The following CHRM5 variants were observed in gnomAD, a reference collection of about 807,000 sequenced individuals.
CHRM5 encodes muscarinic acetylcholine receptor M5.
A neutral mutation model predicts 39.0 loss-of-function variants in CHRM5; 18 were observed. The observed-to-expected ratio is 0.46, with a 90% CI of 0.32 to 0.68. CHRM5 has a LOEUF of 0.68. Ranked by LOEUF, CHRM5 falls within the 30% of genes least tolerant of loss-of-function variation. The probability of loss-of-function intolerance (pLI) is 0.04; values close to 1 mark genes in which losing one functional copy is unlikely to be tolerated. For missense variants in CHRM5, 515 were observed against 651.1 expected (o/e 0.79, Z 2.28); for synonymous variants, 241 against 246.3 (o/e 0.98, Z 0.20).
At chr15:34,042,378 AATAC>A (rs893753024) in intron 1 of CHRM5, among the ~76,000 whole-genome samples, 5 of 151,922 alleles carry the variant, frequency 3.3e-5, no homozygotes, top group African/African-American at 9.7e-5. Context: ...GCATATTTTT[AATAC>A]ATACATGACC....
intron 1 of CHRM5, among the ~76,000 whole-genome samples, chr15:33,992,261 G>T (rs755171840): frequency 6.6e-6 from 1 of 152,136 alleles, no homozygotes. Context: ...GTGGTGGCGG[G>T]CACCTGTAGT....
chr15:34,044,570 GGC>G (rs1899613885), intron 1 of CHRM5, among the ~76,000 whole-genome samples: 1 of 6,670 alleles, frequency 1.5e-4, no homozygotes, highest in African/African-American at 1.6e-4. Context: ...TTCATGTCTT[GGC>G]ACACATAGAA....
At position 34,017,497 on chromosome 15, in the gene CHRM5, T is replaced by G. The variant is rs2684955; in HGVS notation, c.-407-29043T>G. 8.7e-4 allele frequency among the ~76,000 whole-genome samples: 116 copies of G among 133,338 alleles called. 1 individual carries two copies. Among genetic ancestry groups the G allele is most frequent in the Non-Finnish European group, 9.8e-4 (59 of 60,328 alleles). The allele number at this position is 133,338 out of a possible 152,430, so 87.5% of individuals were successfully genotyped here. On this transcript the variant is annotated intron_variant, in intron 1 of 2. Coordinates refer to ENST00000383263, the MANE Select transcript of CHRM5 (RefSeq NM_012125.4). ...GATTTTTTTTTTGTTTTTTTTTTTT[T>G]TTTGAGACAGGGTCTTGCTATGTCA...
At position 34,064,313 on chromosome 15, in the gene CHRM5, C is replaced by T; in HGVS notation, c.1596C>T (p.Pro532=). 6.2e-7 allele frequency: 1 copy of T among 1,609,752 alleles called. No homozygotes were observed. Among genetic ancestry groups the T allele is most frequent in the South Asian group, 1.1e-5 (1 of 90,334 alleles). ...ACTGGCAGGGGAACAGCAAGCTACC[C>T]TGAAAAGTCAACAACTCCTCTCGAA... ...KLYWQGNSKL[P] The change falls in exon 3 of 3, where the codon CCC becomes CCT. Residue 532 remains proline (P), a synonymous_variant. Coordinates refer to ENST00000383263, the MANE Select transcript of CHRM5 (RefSeq NM_012125.4).
Position 33,975,827 on chromosome 15 carries a change from G to A in CHRM5, c.-408+6677G>A, listed in dbSNP as rs375318577. Among the ~76,000 whole-genome samples the A allele has an allele frequency of 3.3e-4, 51 of 152,320 alleles. No individual in the cohort carries two copies. In the East Asian group the frequency reaches 6.8e-3, roughly 20 times the overall value. On this transcript the variant is annotated intron_variant, in intron 1 of 2. Transcript: ENST00000383263. ...TGCCTGTAGTCCCAGCTACTCGGGA[G>A]GCTGAGGCAGAAGAATCCCTTGAAC...
rs1188896353 is a variant in CHRM5, at chr15:34,038,904, C to T, written c.-407-7636C>T. On this transcript the variant is annotated intron_variant, in intron 1 of 2. Coordinates refer to ENST00000383263, the MANE Select transcript of CHRM5 (RefSeq NM_012125.4). ...GCCACGGCCACGGCCCCGGCGTCCGCCTCCGTCCCCGCCGCCGCCTCCGCC... is the reference window on the plus strand; with the variant it reads ...GCCACGGCCACGGCCCCGGCGTCCGTCTCCGTCCCCGCCGCCGCCTCCGCC... 2.6e-5 allele frequency: 29 copies of T among 1,123,898 alleles called. No individual in the cohort carries two copies. The highest frequency in any genetic ancestry group is 3.0e-5 in the Non-Finnish European group (28 of 923,918). The allele number at this position is 1,123,898 out of a possible 1,614,324, so 69.6% of individuals were successfully genotyped here. A position where few individuals can be genotyped will look rare whatever the true frequency, so the allele number is the denominator to read the frequency against.
chr15:33,986,625 T>C (rs561186443), intron 1 of CHRM5, among the ~76,000 whole-genome samples: 7 of 152,174 alleles, frequency 4.6e-5, no homozygotes, highest in East Asian at 3.9e-4. Context: ...CAGGATATAA[T>C]AGATCATGAC....
chr15:34,001,661 G>A (rs926303043), intron 1 of CHRM5, among the ~76,000 whole-genome samples: 2 of 152,014 alleles, frequency 1.3e-5, no homozygotes, highest in African/African-American at 4.8e-5. Context: ...AATGAGTTGA[G>A]AGCAATCCAC....
At chr15:33,989,062 T>C (rs941606292) in intron 1 of CHRM5, among the ~76,000 whole-genome samples, 1 of 160 alleles carries the variant, frequency 6.3e-3, no homozygotes, top group Non-Finnish European at 0.016. Flanking sequence ...TAAATCCTGT[T>C]TTTTCTTATT....
intron 1 of CHRM5, among the ~76,000 whole-genome samples, chr15:34,017,484 G>GTTTTTTTTTTTT (rs60119659): frequency 2.8e-5 from 3 of 107,344 alleles, no homozygotes; most frequent in African/African-American, 6.3e-5. Flanking sequence ...TTTTTTTTTT[G>GTTTTTTTTTTTT]TTTTTTTTTT....
chr15:33,972,157 C>T (rs913154247), intron 1 of CHRM5: 4 of 151,908 alleles, frequency 2.6e-5, no homozygotes, highest in Non-Finnish European at 5.9e-5. Context: ...AATTCAAAAG[C>T]GGGAGTAAAC....
At chr15:34,058,355 A>G (rs1258060812) in intron 2 of CHRM5, among the ~76,000 whole-genome samples, 1 of 152,134 alleles carries the variant, frequency 6.6e-6, no homozygotes, top group Admixed American at 6.6e-5. Context: ...ATTGTTTTGG[A>G]CTAAGCTCTT....
At chr15:34,049,214 T>G (rs1204798741) in intron 2 of CHRM5, among the ~76,000 whole-genome samples, 1 of 152,144 alleles carries the variant, frequency 6.6e-6, no homozygotes, top group Non-Finnish European at 1.5e-5. Flanking sequence ...GATGGCTGAA[T>G]TGACAGAACT....
chr15:33,988,436 A>G (rs897201532), intron 1 of CHRM5, among the ~76,000 whole-genome samples: 13 of 152,222 alleles, frequency 8.5e-5, no homozygotes, highest in Non-Finnish European at 1.8e-4. Context: ...GAATAGAGAT[A>G]ATGAAACCTA....
In CHRM5 at chr15:34,025,119, G is replaced by C. The variant is rs555844308; in HGVS notation, c.-407-21421G>C. 2.6e-4 allele frequency among the ~76,000 whole-genome samples: 39 copies of C among 152,146 alleles called. 1 individual carries two copies. The South Asian group carries it at 8.1e-3, about 32-fold the overall frequency. On this transcript the variant is annotated intron_variant, in intron 1 of 2. Transcript: ENST00000383263. ...CGGGAGGCAGAGGATGCAATAAGCA[G>C]AGATCGCACCACTGCACTCCACCCT...
At chr15:34,008,950 G>GCACA (rs1491109996) in intron 1 of CHRM5, among the ~76,000 whole-genome samples, 498 of 23,538 alleles carry the variant, frequency 0.021, no homozygotes, top group African/African-American at 0.026. Context: ...ACACGTGCGC[G>GCACA]CGCGCACACA....
At chr15:34,016,548 C>T (rs1176931152) in intron 1 of CHRM5, among the ~76,000 whole-genome samples, 1 of 152,290 alleles carries the variant, frequency 6.6e-6, no homozygotes, top group East Asian at 1.9e-4. Context: ...ATATTTATCT[C>T]CTGGGCTACA....
intron 2 of CHRM5, among the ~76,000 whole-genome samples, chr15:34,061,929 T>C (rs1244134885): frequency 6.6e-6 from 1 of 152,228 alleles, no homozygotes; most frequent in Non-Finnish European, 1.5e-5. Context: ...CCCCAGTGCA[T>C]GACGATTTAG....
At chr15:34,011,636 C>T (rs771875627) in intron 1 of CHRM5, among the ~76,000 whole-genome samples, 7 of 152,174 alleles carry the variant, frequency 4.6e-5, no homozygotes, top group East Asian at 1.9e-4. Context: ...AGGAGAGAGG[C>T]ATCCCACAAC....
Sources: gnomAD v4.1 joint callset for allele counts (sites outside exome capture counted in the v4.1 genomes callset) on GRCh38, gnomAD v4.1.1 for gene constraint, MANE v1.5 for transcripts, NCBI Gene and HGNC (gene_info 2026-07-23, HGNC 2026-07-21) for gene names.